Variants in ADAMTSL1 observed in about 807,000 individuals in gnomAD.
The protein encoded by ADAMTSL1 is ADAMTS-like protein 1.
A neutral mutation model predicts 201.8 loss-of-function variants in ADAMTSL1; 126 were observed. The observed-to-expected ratio is 0.62, with a 90% CI of 0.54 to 0.72. ADAMTSL1 has a LOEUF of 0.72. ADAMTSL1 is among the 30% of genes least tolerant of loss of function. The pLI is 0.00. For synonymous variants in ADAMTSL1, 1,121 were observed against 903.4 expected, an observed-to-expected ratio of 1.24 and a Z score of -4.32; for missense variants, 2,679 against 2,277.8, an observed-to-expected ratio of 1.18 and a Z score of -3.59.
intron 2 of ADAMTSL1, among the ~76,000 whole-genome samples, chr9:18,417,964 A>G (rs1487210868): frequency 1.4e-4 from 22 of 152,178 alleles, no homozygotes; most frequent in Admixed American, 1.2e-3. Flanking sequence ...AATATTACCA[A>G]ATCAAACTCA....
At chr9:18,893,537 C>T (rs1320355459) in intron 26 of ADAMTSL1, among the ~76,000 whole-genome samples, 1 of 152,156 alleles carries the variant, frequency 6.6e-6, no homozygotes, top group Non-Finnish European at 1.5e-5. Context: ...GATGCAAATT[C>T]TAATATGGTA....
At chr9:18,466,486 C>A (rs1256488921) in intron 2 of ADAMTSL1, among the ~76,000 whole-genome samples, 1 of 152,068 alleles carries the variant, frequency 6.6e-6, no homozygotes, top group Middle Eastern at 3.2e-3. Context: ...ATTCCGTGTC[C>A]TTTCTGGAAA....
At chr9:18,094,081 A>G (rs1475312816) in intron 1 of ADAMTSL1, among the ~76,000 whole-genome samples, 2 of 152,202 alleles carry the variant, frequency 1.3e-5, no homozygotes, top group African/African-American at 4.8e-5. Context: ...TAATGTACCC[A>G]GAGTAGATTT....
chr9:18,379,830 G>A (rs1205364605), intron 2 of ADAMTSL1, among the ~76,000 whole-genome samples: 1 of 152,180 alleles, frequency 6.6e-6, no homozygotes, highest in Non-Finnish European at 1.5e-5. Flanking sequence ...AGTAAATTAA[G>A]AAATGAGCAG....
chr9:18,556,107 T>C (rs918070571), intron 3 of ADAMTSL1, among the ~76,000 whole-genome samples: 8 of 151,998 alleles, frequency 5.3e-5, no homozygotes, highest in African/African-American at 1.7e-4. Flanking sequence ...ACATTCTTTT[T>C]CCTTTACCGC....
chr9:18,674,224 A>G (rs1319666294), intron 9 of ADAMTSL1, among the ~76,000 whole-genome samples: 1 of 97,004 alleles, frequency 1.0e-5, no homozygotes, highest in South Asian at 3.5e-4. Context: ...ACACACACAA[A>G]CACACACATC....
intron 1 of ADAMTSL1, among the ~76,000 whole-genome samples, chr9:18,100,767 C>T (rs1289089963): frequency 6.6e-6 from 1 of 152,166 alleles, no homozygotes; most frequent in African/African-American, 2.4e-5. Context: ...TCATACCTTA[C>T]CAGGATCTTG....
chr9:18,683,230 G>GTT (rs60751848), intron 12 of ADAMTSL1, among the ~76,000 whole-genome samples: 14,089 of 143,506 alleles, frequency 0.098, 954 homozygotes, highest in East Asian at 0.23. Flanking sequence ...GGTTTTTTTT[G>GTT]TTTTTTTTTT....
intron 20 of ADAMTSL1, among the ~76,000 whole-genome samples, chr9:18,811,071 A>G (rs1380411493): frequency 6.6e-6 from 1 of 151,644 alleles, no homozygotes; most frequent in African/African-American, 2.4e-5. Flanking sequence ...CTCTAACAAA[A>G]GGACTAGGAA....
At chr9:18,477,053 T>C (rs2131782779) in intron 1 of ADAMTSL1, among the ~76,000 whole-genome samples, 1 of 152,290 alleles carries the variant, frequency 6.6e-6, no homozygotes, top group South Asian at 2.1e-4. Context: ...GATCAAGAGA[T>C]TTCATTTGAT....
chr9:18,775,538 C>A (rs1276190248), intron 17 of ADAMTSL1, among the ~76,000 whole-genome samples: 1 of 152,128 alleles, frequency 6.6e-6, no homozygotes, highest in East Asian at 1.9e-4. Context: ...CTTCAGGAAA[C>A]CTCAGAGTAG....
intron 1 of ADAMTSL1, among the ~76,000 whole-genome samples, chr9:18,055,305 A>C (rs905721010): frequency 4.6e-5 from 7 of 151,914 alleles, no homozygotes; most frequent in Admixed American, 6.6e-5. Context: ...GGTTTCATTG[A>C]CTCTGTTTTC....
intron 3 of ADAMTSL1, among the ~76,000 whole-genome samples, chr9:18,540,432 G>A (rs964710946): frequency 1.6e-4 from 25 of 152,166 alleles, no homozygotes; most frequent in African/African-American, 6.0e-4. Context: ...TCTACCTGAG[G>A]TGGTCAGGAA....
chr9:18,202,184 T>C (rs1829475961), intron 2 of ADAMTSL1, among the ~76,000 whole-genome samples: 1 of 152,148 alleles, frequency 6.6e-6, no homozygotes, highest in Admixed American at 6.6e-5. Flanking sequence ...AAATCGTTAG[T>C]GTAAAGTCAG....
intron 21 of ADAMTSL1, among the ~76,000 whole-genome samples, chr9:18,824,551 A>C (rs1167127703): frequency 6.6e-6 from 1 of 152,200 alleles, no homozygotes; most frequent in African/African-American, 2.4e-5. Context: ...TCTCAACAGA[A>C]GGCTAGCCAT....
intron 2 of ADAMTSL1, among the ~76,000 whole-genome samples, chr9:18,252,339 A>G (rs772517957): frequency 7.9e-5 from 12 of 152,158 alleles, no homozygotes; most frequent in Non-Finnish European, 1.6e-4. Context: ...TACAGAAGAA[A>G]TGCAAATCAA....
chr9:18,636,173 G>A (rs1027625041), intron 6 of ADAMTSL1, among the ~76,000 whole-genome samples, 156 bp downstream of exon 6: 1 of 152,142 alleles, frequency 6.6e-6, no homozygotes, highest in Admixed American at 6.6e-5. Flanking sequence ...TTAGCTGCCT[G>A]ATGAGATGGC....
intron 21 of ADAMTSL1, among the ~76,000 whole-genome samples, chr9:18,823,999 GA>G (rs2131224021): frequency 6.6e-6 from 1 of 151,012 alleles, no homozygotes; most frequent in South Asian, 2.1e-4. Flanking sequence ...CAATAAGAAA[GA>G]AAAGGAAGGA....
At chr9:18,605,074 C>G (rs190043267) in intron 4 of ADAMTSL1, among the ~76,000 whole-genome samples, 59 of 152,270 alleles carry the variant, frequency 3.9e-4, no homozygotes, top group African/African-American at 1.2e-3. Flanking sequence ...TACAAATGTT[C>G]GGCCATGGAA....
Sources: gnomAD v4.1 joint callset for allele counts (sites outside exome capture counted in the v4.1 genomes callset) on GRCh38, gnomAD v4.1.1 for gene constraint, MANE v1.5 for transcripts, NCBI Gene and HGNC (gene_info 2026-07-23, HGNC 2026-07-21) for gene names.